The following SMARCB1 variants were observed in gnomAD, a reference collection of about 807,000 sequenced individuals.
The protein encoded by SMARCB1 is SWI/SNF-related matrix-associated actin-dependent regulator of chromatin subfamily B member 1.
In SMARCB1, 5 loss-of-function variants were observed where a neutral mutation model predicts 49.0. The ratio of observed to expected loss-of-function variants is 0.10; its 90% confidence interval spans 0.05 to 0.21. The LOEUF is 0.21. Ranked by LOEUF, SMARCB1 falls within the 10% of genes least tolerant of loss-of-function variation. The probability of loss-of-function intolerance (pLI) is 1.00; values close to 1 mark genes in which losing one functional copy is unlikely to be tolerated. For missense variants in SMARCB1, 226 were observed against 509.2 expected, an observed-to-expected ratio of 0.44 and a Z score of 5.35; for synonymous variants, 201 against 200.1, an observed-to-expected ratio of 1.00 and a Z score of -0.04.
chr22:23,823,644 G>C (rs1292732959), intron 6 of SMARCB1: 10 of 152,182 alleles, frequency 6.6e-5, no homozygotes, highest in Non-Finnish European at 1.3e-4. Context: ...GAAGAAAATA[G>C]GAGAGGTGCC....
In SMARCB1 at chr22:23,818,148, G is replaced by A. The variant is rs1346520796; in HGVS notation, c.795+1212G>A. On this transcript the variant is annotated intron_variant, in intron 6 of 8. Transcript: ENST00000644036. ...GCCGAAATACTTTGGGTGTGTGTGTGTGTGTGTGTGTGTGTGTGTGTGTGT... is the reference window on the plus strand; with the variant it reads ...GCCGAAATACTTTGGGTGTGTGTGTATGTGTGTGTGTGTGTGTGTGTGTGT... 4 of 13,904 alleles carry A rather than the reference G, an allele frequency of 2.9e-4. No homozygotes were observed. In the Admixed American group the frequency reaches 4.8e-3, roughly 17 times the overall value. The allele number at this position is 13,904 out of a possible 1,614,324, so 0.9% of individuals were successfully genotyped here.
rs1029122035 is a variant in SMARCB1 at position 23,835,164 on chromosome 22, G to C, written c.*984G>C. The C allele has an allele frequency of 7.6e-7, 1 of 1,308,278 alleles. No individual in the cohort carries two copies. The highest frequency in any genetic ancestry group is 2.4e-5 in the South Asian group (1 of 41,894). 81.0% of individuals were successfully genotyped at this position (1,308,278 alleles called of 1,614,324 possible). A position where few individuals can be genotyped will look rare whatever the true frequency, so the allele number is the denominator to read the frequency against. ...TGGAGTTGACACGGTACAGGGAGGA[G>C]ACACAGCCCAGGGTCCCTTCCCAGC... is the stretch of plus-strand genomic sequence containing the variant. On this transcript the variant is annotated 3_prime_UTR_variant, in exon 9 of 9. Coordinates refer to ENST00000644036, the MANE Select transcript of SMARCB1 (RefSeq NM_003073.5).
rs1397678153 is a variant in SMARCB1, at chr22:23,834,741, G to A, written c.*561G>A. 2 of 1,488,410 alleles carry A rather than the reference G, an allele frequency of 1.3e-6. No homozygotes were observed. The highest frequency in any genetic ancestry group is 1.4e-5 in the African/African-American group (1 of 69,150). 92.2% of individuals were successfully genotyped at this position (1,488,410 alleles called of 1,614,324 possible). A position where few individuals can be genotyped will look rare whatever the true frequency, so the allele number is the denominator to read the frequency against. ...AGCCTGTTCTCCTTCCAGACCCAGAGAGCTGAGAAGAGTAGCTGTGAGGCT... is the reference window on the plus strand; with the variant it reads ...AGCCTGTTCTCCTTCCAGACCCAGAAAGCTGAGAAGAGTAGCTGTGAGGCT... On this transcript the variant is annotated 3_prime_UTR_variant, in exon 9 of 9. Transcript: ENST00000644036.
At chr22:23,819,992 G>C (rs1366624105) in intron 6 of SMARCB1, among the ~76,000 whole-genome samples, 1 of 151,902 alleles carries the variant, frequency 6.6e-6, no homozygotes, top group Admixed American at 6.6e-5. Context: ...ACCACGCCCG[G>C]CTAAATTTTG....
At position 23,837,386 on chromosome 22, in the gene SMARCB1, T is replaced by TG; in HGVS notation, c.*3209dup. On this transcript the variant is annotated 3_prime_UTR_variant, in exon 9 of 9. Transcript: ENST00000644036. Reference sequence around the variant, plus strand: ...GGAGGGCCTGAGAATAGTGGAGGAGTGGGAGCCATGGGGCAGGAACCCTGA... The same window carrying TG: ...GGAGGGCCTGAGAATAGTGGAGGAGTGGGGAGCCATGGGGCAGGAACCCTGA... 1 of 650,752 alleles carries TG rather than the reference T, an allele frequency of 1.5e-6. No individual in the cohort carries two copies. Among genetic ancestry groups the TG allele is most frequent in the Non-Finnish European group, 2.6e-6 (1 of 383,604 alleles). 40.3% of individuals were successfully genotyped at this position (650,752 alleles called of 1,614,324 possible).
In SMARCB1 at chr22:23,797,572, A is replaced by AGTG. The variant is rs1475654796; in HGVS notation, c.363-3371_363-3369dup. 2.9e-5 allele frequency among the ~76,000 whole-genome samples: 4 copies of AGTG among 138,892 alleles called. No homozygotes were observed. In the Admixed American group the frequency reaches 3.1e-4, roughly 11 times the overall value. 91.1% of individuals were successfully genotyped at this position (138,892 alleles called of 152,430 possible). On this transcript the variant is annotated intron_variant, in intron 3 of 8. Coordinates refer to ENST00000644036, the MANE Select transcript of SMARCB1 (RefSeq NM_003073.5). ...TGATCCGCCCACCTCGGCCTCCCAA[A>AGTG]GTGCTGGGATTACAGACATGAGCCA...
At chr22:23,831,372 C>CCTGGGT in intron 7 of SMARCB1, among the ~76,000 whole-genome samples, 1 of 152,218 alleles carries the variant, frequency 6.6e-6, no homozygotes, top group Non-Finnish European at 1.5e-5. Flanking sequence ...GCATCCCCTG[C>CCTGGGT]CTGGGTATCT....
At position 23,834,840 on chromosome 22, in the gene SMARCB1, G is replaced by A. The variant is rs534994795; in HGVS notation, c.*660G>A. ...CCTTGCTTGGCCTCAGGAAGGTGCC[G>A]CGAGCTCTCCTGCCGTCCCTGGGCC... On this transcript the variant is annotated 3_prime_UTR_variant, in exon 9 of 9. Coordinates refer to ENST00000644036, the MANE Select transcript of SMARCB1 (RefSeq NM_003073.5). The A allele has an allele frequency of 2.4e-4, 382 of 1,611,884 alleles. 13 individuals are homozygous for A. The South Asian group carries it at 3.8e-3, about 16-fold the overall frequency.
intron 8 of SMARCB1, among the ~76,000 whole-genome samples, 160 bp downstream of exon 8, chr22:23,833,863 A>C (rs1015557043): frequency 1.3e-5 from 2 of 152,122 alleles, no homozygotes; most frequent in African/African-American, 4.8e-5. Flanking sequence ...GCCCCATCCA[A>C]ACGCCAGGGT....
chr22:23,827,894 C>T (rs1438105357), intron 7 of SMARCB1, among the ~76,000 whole-genome samples: 1 of 152,148 alleles, frequency 6.6e-6, no homozygotes, highest in Non-Finnish European at 1.5e-5. Context: ...ACTCTGTCCC[C>T]AGGGAGACCA....
Position 23,835,101 on chromosome 22 carries a change from G to A in SMARCB1, c.*921G>A, listed in dbSNP as rs1487781270. 5 of 1,391,770 alleles carry A rather than the reference G, an allele frequency of 3.6e-6. No homozygotes were observed. Among genetic ancestry groups the A allele is most frequent in the East Asian group, 2.7e-5 (1 of 37,112 alleles). The allele number at this position is 1,391,770 out of a possible 1,614,324, so 86.2% of individuals were successfully genotyped here. A position where few individuals can be genotyped will look rare whatever the true frequency, so the allele number is the denominator to read the frequency against. On this transcript the variant is annotated 3_prime_UTR_variant, in exon 9 of 9. Transcript: ENST00000644036. ...TCCTGCCTTACAAGCCAGCTGTGAG[G>A]AATATGGGAATAGCCCTCCCGGCCT... is the stretch of plus-strand genomic sequence containing the variant.
In SMARCB1 at chr22:23,791,659, G is replaced by T. The variant is rs1928383992; in HGVS notation, c.94-97G>T. 4 of 1,226,188 alleles carry T rather than the reference G, an allele frequency of 3.3e-6. No individual in the cohort carries two copies. The Admixed American group carries it at 6.7e-5, about 21-fold the overall frequency. The allele number at this position is 1,226,188 out of a possible 1,614,324, so 76.0% of individuals were successfully genotyped here. A position where few individuals can be genotyped will look rare whatever the true frequency, so the allele number is the denominator to read the frequency against. On this transcript the variant is annotated intron_variant, in intron 1 of 8. Transcript: ENST00000644036. The stretch of plus-strand genomic sequence containing the variant: ...CGTGGCGCCTGGGGGCCACCTCAAG[G>T]CCTGTTTGTCTGTTGCTTGATGCAG...
intron 1 of SMARCB1, among the ~76,000 whole-genome samples, chr22:23,787,758 G>T (rs1229936615): frequency 6.6e-6 from 1 of 152,194 alleles, no homozygotes; most frequent in East Asian, 1.9e-4. Context: ...AGCAGTGGAG[G>T]TCTTTTGACC....
chr22:23,804,783 C>T (rs1054315246), intron 5 of SMARCB1, among the ~76,000 whole-genome samples: 11 of 152,164 alleles, frequency 7.2e-5, no homozygotes, highest in Admixed American at 3.3e-4. Flanking sequence ...TCAGGTGATC[C>T]GCCTGCCGTG....
chr22:23,788,963 C>A (rs1460032296), intron 1 of SMARCB1, among the ~76,000 whole-genome samples: 1 of 152,108 alleles, frequency 6.6e-6, no homozygotes, highest in African/African-American at 2.4e-5. Context: ...CGTCCTCCCA[C>A]CTCAGTCTCC....
chr22:23,809,084 T>C (rs5760038), intron 5 of SMARCB1, among the ~76,000 whole-genome samples: 139,096 of 150,838 alleles, frequency 0.92, 64,308 homozygotes, highest in Middle Eastern at 0.97. Context: ...CTGCCCGCCT[T>C]GGCCTCCCAA....
At chr22:23,810,877 A>G (rs2145997443) in intron 5 of SMARCB1, among the ~76,000 whole-genome samples, 1 of 152,194 alleles carries the variant, frequency 6.6e-6, no homozygotes, top group Non-Finnish European at 1.5e-5. Context: ...TAAAAATACA[A>G]AAATTAGCTG....
In SMARCB1 at chr22:23,834,877, G is replaced by T. The variant is rs1356430580; in HGVS notation, c.*697G>T. The T allele has an allele frequency of 1.2e-6, 2 of 1,612,306 alleles. No homozygotes were observed. The highest frequency in any genetic ancestry group is 1.7e-6 in the Non-Finnish European group (2 of 1,179,782). On this transcript the variant is annotated 3_prime_UTR_variant, in exon 9 of 9. Coordinates refer to ENST00000644036, the MANE Select transcript of SMARCB1 (RefSeq NM_003073.5). ...GCCGTCCCTGGGCCGCCCTGGCTCT[G>T]CTGTGTCCAGATGGTCAGGCTACTG...
intron 7 of SMARCB1, among the ~76,000 whole-genome samples, chr22:23,827,586 G>C (rs2030451154): frequency 6.6e-6 from 1 of 152,216 alleles, no homozygotes; most frequent in Non-Finnish European, 1.5e-5. Context: ...CTTATGCTGA[G>C]AATGCAGGTT....
Sources: allele counts gnomAD v4.1 joint callset (sites outside exome capture counted in the v4.1 genomes callset), GRCh38; gene constraint gnomAD v4.1.1; transcripts MANE v1.5; gene names NCBI Gene and HGNC (gene_info 2026-07-23, HGNC 2026-07-21).